ASL: variants seen among roughly 807,000 people sequenced by gnomAD.
The protein encoded by ASL is argininosuccinase.
A neutral mutation model predicts 69.1 loss-of-function variants in ASL; 51 were observed. The observed-to-expected ratio is 0.74, with a 90% CI of 0.59 to 0.93. The LOEUF (loss-of-function observed/expected upper bound fraction) is 0.93. Ranked by LOEUF, ASL falls within the 40% of genes least tolerant of loss-of-function variation. The pLI is 0.00. For missense variants in ASL, 540 were observed against 623.9 expected (o/e 0.87, Z 1.43); for synonymous variants, 241 against 247.6 (o/e 0.97, Z 0.25).
chr7:66,077,932 A>G lies in ASL; in HGVS notation c.12+1839A>G, dbSNP rs184203120. ...AGGCCTCCACTCTCCTCAGTGCCCA[A>G]GGGGAGGCACCTCACTCTGATCTCC... On this transcript the variant is annotated intron_variant, in intron 2 of 16. Transcript: ENST00000304874. 6.8e-4 allele frequency among the ~76,000 whole-genome samples: 104 copies of G among 152,154 alleles called. 1 individual carries two copies. The East Asian group carries it at 0.019, about 28-fold the overall frequency.
chr7:66,078,541 A>G (rs930015960), intron 2 of ASL, among the ~76,000 whole-genome samples: 1 of 152,066 alleles, frequency 6.6e-6, no homozygotes, highest in Non-Finnish European at 1.5e-5. Context: ...AGCACCAGGC[A>G]CCGTGTTATG....
intron 6 of ASL, among the ~76,000 whole-genome samples, chr7:66,083,843 C>A (rs2115706236): frequency 6.6e-6 from 1 of 152,320 alleles, no homozygotes; most frequent in South Asian, 2.1e-4. Flanking sequence ...GCCTCCCCAT[C>A]CAGCCCATCT....
chr7:66,076,192 A>C, intron 2 of ASL, 99 bp downstream of exon 2: 1 of 1,498,816 alleles, frequency 6.7e-7, no homozygotes, highest in Non-Finnish European at 9.1e-7. Context: ...ATCGCCCTCC[A>C]GGAAGCAATT....
At chr7:66,090,295 A>T (rs900735417) in intron 14 of ASL, among the ~76,000 whole-genome samples, 2 of 152,126 alleles carry the variant, frequency 1.3e-5, no homozygotes, top group Non-Finnish European at 2.9e-5. Context: ...TTTTTTAGAG[A>T]CAGGGTCACT....
At chr7:66,092,162 G>T in intron 15 of ASL, 76 bp downstream of exon 15, 2 of 1,549,128 alleles carry the variant, frequency 1.3e-6, no homozygotes, top group Non-Finnish European at 1.8e-6. Context: ...TCAGGAATGG[G>T]TGCAAGCGGC....
intron 14 of ASL, 185 bp from the exon 15 acceptor site, chr7:66,091,821 T>C (rs1786851231): frequency 3.0e-6 from 2 of 664,104 alleles, no homozygotes; most frequent in South Asian, 1.6e-5. Context: ...TAAGTGTTCA[T>C]AGCACATGTA....
chr7:66,091,249 T>C (rs1447544425), intron 14 of ASL, among the ~76,000 whole-genome samples: 1 of 151,968 alleles, frequency 6.6e-6, no homozygotes, highest in African/African-American at 2.4e-5. Flanking sequence ...CCCAGCAATT[T>C]GTATTTTTCT....
intron 2 of ASL, among the ~76,000 whole-genome samples, chr7:66,079,706 G>A (rs1302659116): frequency 1.2e-4 from 19 of 152,094 alleles, no homozygotes; most frequent in African/African-American, 4.6e-4. Context: ...TGCAACCTCC[G>A]CCTCCCGGGT....
chr7:66,089,904 G>A (rs1188566194), intron 14 of ASL, among the ~76,000 whole-genome samples: 5 of 152,098 alleles, frequency 3.3e-5, no homozygotes, highest in Non-Finnish European at 7.4e-5. Context: ...GGGGCCTGGG[G>A]CCTGTCAAAT....
chr7:66,082,439 G>T lies in ASL; in HGVS notation c.279G>T (p.Glu93Asp). Residue 93 changes from glutamate to aspartate, a missense_variant, in exon 4 of 17, where the codon GAG becomes GAT. By Grantham distance (45) the Glu-to-Asp change is conservative. Transcript: ENST00000304874. ...SNDEDIHTANERRLKELIGAT... is the reference protein window; with the variant it reads ...SNDEDIHTANDRRLKELIGAT... ...ATGAGGACATCCACACAGCCAATGA[G>T]CGCCGCCTGAAGGTACGACCCCTGG... 6.2e-7 allele frequency: 1 copy of T among 1,610,416 alleles called. No homozygotes were observed. The highest frequency in any genetic ancestry group is 8.5e-7 in the Non-Finnish European group (1 of 1,179,296).
intron 2 of ASL, among the ~76,000 whole-genome samples, chr7:66,077,144 A>G (rs1786370152): frequency 6.6e-6 from 1 of 152,220 alleles, no homozygotes; most frequent in Non-Finnish European, 1.5e-5. Context: ...GTAGGTGCTC[A>G]ATAAATGGTG....
At position 66,088,804 on chromosome 7, in the gene ASL, C is replaced by A. The variant is rs772353887; in HGVS notation, c.719-3C>A. ...CCTGGTGACTGGGAACCTTTTCTCCCAGCCGAGTTCCTGTTCTGGGCTTCG... is the reference window on the plus strand; with the variant it reads ...CCTGGTGACTGGGAACCTTTTCTCCAAGCCGAGTTCCTGTTCTGGGCTTCG... On this transcript the variant is annotated splice_polypyrimidine_tract_variant and splice_region_variant and intron_variant, in intron 10 of 16. Coordinates refer to ENST00000304874, the MANE Select transcript of ASL (RefSeq NM_000048.4). 6.2e-7 allele frequency: 1 copy of A among 1,611,782 alleles called. No homozygotes were observed. The highest frequency in any genetic ancestry group is 8.5e-7 in the Non-Finnish European group (1 of 1,178,890).
At chr7:66,087,873 C>T (rs1393323100) in intron 10 of ASL, 82 bp downstream of exon 10, 5 of 1,544,644 alleles carry the variant, frequency 3.2e-6, no homozygotes, top group Non-Finnish European at 4.5e-6. Flanking sequence ...CCTCCCACAC[C>T]TCCACGGACA....
Position 66,083,269 on chromosome 7 carries a change from C to T in ASL, c.446+95C>T. On this transcript the variant is annotated intron_variant, in intron 6 of 16. Coordinates refer to ENST00000304874, the MANE Select transcript of ASL (RefSeq NM_000048.4). ...GCAGGGGTGAACAGCGTGGGGGTGCCAGGCCCTGGGGGACAGGGGCATCCC... is the reference window on the plus strand; with the variant it reads ...GCAGGGGTGAACAGCGTGGGGGTGCTAGGCCCTGGGGGACAGGGGCATCCC... The T allele has an allele frequency of 1.4e-6, 2 of 1,386,948 alleles. 1 individual carries two copies. The highest frequency in any genetic ancestry group is 5.0e-4 in the Middle Eastern group (2 of 4,000). 85.9% of individuals were successfully genotyped at this position (1,386,948 alleles called of 1,614,324 possible).
At chr7:66,089,016 C>A (rs1786756100) in intron 11 of ASL, 75 bp from the exon 12 acceptor site, 2 of 1,609,644 alleles carry the variant, frequency 1.2e-6, no homozygotes, top group Non-Finnish European at 1.7e-6. Context: ...TCCCACCCCT[C>A]CGCCAGACCT....
Position 66,082,374 on chromosome 7 carries a change from G to A in ASL, c.214G>A (p.Glu72Lys). 1.2e-6 allele frequency: 2 copies of A among 1,612,012 alleles called. No individual in the cohort carries two copies. The highest frequency in any genetic ancestry group is 1.7e-6 in the Non-Finnish European group (2 of 1,179,470). The change falls in exon 4 of 17, where the codon GAG becomes AAG. Residue 72 changes from glutamate (E) to lysine (K), a missense_variant. By Grantham distance (56) the Glu-to-Lys change is moderately conservative (BLOSUM62 1). Transcript: ENST00000304874. Reference sequence around the variant, plus strand: ...TTGCTGCTACCCACTACAGGTGGCTGAGGAGTGGGCCCAGGGCACCTTCAA... The same window carrying A: ...TTGCTGCTACCCACTACAGGTGGCTAAGGAGTGGGCCCAGGGCACCTTCAA... Reference protein sequence around the residue: ...QILHGLDKVAEEWAQGTFKLN... With the variant: ...QILHGLDKVAKEWAQGTFKLN...
At chr7:66,085,065 C>T (rs544368089) in intron 6 of ASL, among the ~76,000 whole-genome samples, 1 of 152,258 alleles carries the variant, frequency 6.6e-6, no homozygotes, top group African/African-American at 2.4e-5. Context: ...GCCTTGAGTA[C>T]AGAATTTCTT....
At chr7:66,076,746 G>T (rs150418196) in intron 2 of ASL, among the ~76,000 whole-genome samples, 1 of 152,148 alleles carries the variant, frequency 6.6e-6, no homozygotes, top group African/African-American at 2.4e-5. Context: ...GGCAATGGGG[G>T]TAATAATAGC....
intron 2 of ASL, among the ~76,000 whole-genome samples, chr7:66,079,389 A>G (rs1037491526): frequency 6.6e-6 from 1 of 152,078 alleles, no homozygotes; most frequent in African/African-American, 2.4e-5. Context: ...AGTCCTGGGC[A>G]CTAGGGCTGC....
Sources: gnomAD v4.1 joint callset for allele counts (sites outside exome capture counted in the v4.1 genomes callset) on GRCh38, gnomAD v4.1.1 for gene constraint, MANE v1.5 for transcripts, NCBI Gene and HGNC (gene_info 2026-07-23, HGNC 2026-07-21) for gene names.